Variants in ARHGAP28 observed in about 807,000 individuals in gnomAD.
ARHGAP28 encodes rho GTPase-activating protein 28.
In ARHGAP28, 56 loss-of-function variants were observed where a neutral mutation model predicts 90.7. The observed-to-expected ratio is 0.62, with a 90% CI of 0.50 to 0.77. The LOEUF (loss-of-function observed/expected upper bound fraction) is 0.77. Among genes scored for constraint, ARHGAP28 ranks in the 30% least tolerant of loss-of-function variants. The pLI, the probability that ARHGAP28 is intolerant of heterozygous loss-of-function variation, is 0.00. For synonymous variants in ARHGAP28, 308 were observed against 323.3 expected, an observed-to-expected ratio of 0.95 and a Z score of 0.51; for missense variants, 869 against 900.9, an observed-to-expected ratio of 0.96 and a Z score of 0.45.
chr18:6,779,608 A>G (rs73941110), intron 1 of ARHGAP28, among the ~76,000 whole-genome samples: 3,873 of 152,336 alleles, frequency 0.025, 131 homozygotes, highest in African/African-American at 0.081. Flanking sequence ...CAGCCATTGT[A>G]TGACCACTAT....
At chr18:6,867,894 A>G (rs1440331742) in intron 5 of ARHGAP28, among the ~76,000 whole-genome samples, 1 of 152,232 alleles carries the variant, frequency 6.6e-6, no homozygotes, top group African/African-American at 2.4e-5. Flanking sequence ...AGGTATAAGC[A>G]GCAAATATTT....
intron 3 of ARHGAP28, among the ~76,000 whole-genome samples, chr18:6,840,434 T>C (rs1280620761): frequency 6.6e-6 from 1 of 152,240 alleles, no homozygotes; most frequent in African/African-American, 2.4e-5. Context: ...TCTAGTAATG[T>C]AAAAACAGCA....
intron 10 of ARHGAP28, among the ~76,000 whole-genome samples, chr18:6,880,332 A>G (rs1355323346): frequency 1.3e-5 from 2 of 151,832 alleles, no homozygotes; most frequent in Admixed American, 6.6e-5. Flanking sequence ...CTATCCTACA[A>G]CTGTTTATCC....
intron 3 of ARHGAP28, among the ~76,000 whole-genome samples, chr18:6,847,157 G>A (rs1240782875): frequency 6.6e-6 from 1 of 152,042 alleles, no homozygotes; most frequent in African/African-American, 2.4e-5. Flanking sequence ...TTTGGCTGGG[G>A]GACCTTCTCT....
chr18:6,879,210 A>C (rs2057157851), intron 10 of ARHGAP28, among the ~76,000 whole-genome samples: 1 of 152,160 alleles, frequency 6.6e-6, no homozygotes. Flanking sequence ...AATGACAGAA[A>C]TTTGAGCCAA....
intron 1 of ARHGAP28, among the ~76,000 whole-genome samples, chr18:6,799,679 A>G (rs2056467940): frequency 6.6e-6 from 1 of 152,222 alleles, no homozygotes; most frequent in African/African-American, 2.4e-5. Context: ...AGCCAGCCAT[A>G]TGCAGAAAAC....
intron 1 of ARHGAP28, among the ~76,000 whole-genome samples, chr18:6,815,452 A>G (rs753972897): frequency 6.6e-6 from 1 of 152,212 alleles, no homozygotes; most frequent in Non-Finnish European, 1.5e-5. Flanking sequence ...TAATTCTCAT[A>G]CATTTTTAAA....
intron 2 of ARHGAP28, among the ~76,000 whole-genome samples, chr18:6,830,611 G>A (rs2056707886): frequency 6.6e-6 from 1 of 152,052 alleles, no homozygotes; most frequent in African/African-American, 2.4e-5. Context: ...GAGAAAAATG[G>A]TTTCCAACTT....
intron 1 of ARHGAP28, among the ~76,000 whole-genome samples, chr18:6,760,890 C>A (rs1456564743): frequency 1.3e-5 from 2 of 152,086 alleles, no homozygotes; most frequent in Non-Finnish European, 2.9e-5. Context: ...ACTGATTTTA[C>A]CTGGGTGTAA....
rs548061572 is a variant in ARHGAP28, at chr18:6,749,363, A to T, written c.122+19420A>T. On this transcript the variant is annotated intron_variant, in intron 1 of 17. Coordinates refer to ENST00000383472, the MANE Select transcript of ARHGAP28 (RefSeq NM_001366230.1). ...ATTGTTTGACAAAATGCTGGACTGG[A>T]GAGATATTTTCCTTTACCCAGGGTT... Among the ~76,000 whole-genome samples, 15 of 152,306 alleles carry T rather than the reference A, an allele frequency of 9.8e-5. No homozygotes were observed. In the South Asian group the frequency reaches 3.1e-3, roughly 32 times the overall value.
chr18:6,774,483 A>G (rs2056268171), intron 1 of ARHGAP28, among the ~76,000 whole-genome samples: 1 of 152,178 alleles, frequency 6.6e-6, no homozygotes, highest in African/African-American at 2.4e-5. Context: ...CCTCAAATAT[A>G]CAAGTTAAGT....
At chr18:6,879,081 C>A (rs2057156747) in intron 10 of ARHGAP28, among the ~76,000 whole-genome samples, 1 of 152,096 alleles carries the variant, frequency 6.6e-6, no homozygotes, top group South Asian at 2.1e-4. Context: ...GAGGAAGCTG[C>A]TGGTTTTAGC....
At chr18:6,840,554 A>G (rs1420262680) in intron 3 of ARHGAP28, among the ~76,000 whole-genome samples, 1 of 152,206 alleles carries the variant, frequency 6.6e-6, no homozygotes, top group Non-Finnish European at 1.5e-5. Flanking sequence ...TGAGACAGGC[A>G]AATGGAATAA....
intron 2 of ARHGAP28, among the ~76,000 whole-genome samples, chr18:6,829,880 T>C (rs1430356162): frequency 2.0e-5 from 3 of 152,244 alleles, no homozygotes; most frequent in African/African-American, 7.2e-5. Flanking sequence ...ACAGCAGGAC[T>C]AGCAGCCCAG....
intron 1 of ARHGAP28, among the ~76,000 whole-genome samples, chr18:6,744,405 A>G (rs2056004833): frequency 6.6e-6 from 1 of 152,172 alleles, no homozygotes; most frequent in Non-Finnish European, 1.5e-5. Flanking sequence ...GAGGGGCTCC[A>G]TTAGTTGACC....
chr18:6,910,454 T>A (rs2057389896), intron 17 of ARHGAP28, among the ~76,000 whole-genome samples: 1 of 152,128 alleles, frequency 6.6e-6, no homozygotes, highest in South Asian at 2.1e-4. Flanking sequence ...ACTAAACCTG[T>A]AAATCCAATC....
At chr18:6,734,649 T>C (rs2055910678) in intron 1 of ARHGAP28, among the ~76,000 whole-genome samples, 1 of 152,198 alleles carries the variant, frequency 6.6e-6, no homozygotes, top group African/African-American at 2.4e-5. Context: ...ATAGATTTAT[T>C]GGTACTTTCC....
At chr18:6,860,588 AG>A (rs2056990023) in intron 5 of ARHGAP28, among the ~76,000 whole-genome samples, 1 of 152,200 alleles carries the variant, frequency 6.6e-6, no homozygotes, top group African/African-American at 2.4e-5. Context: ...TTAGCACAAC[AG>A]CCACTCAGAT....
chr18:6,801,009 C>A (rs1314189966), intron 1 of ARHGAP28, among the ~76,000 whole-genome samples: 1 of 152,172 alleles, frequency 6.6e-6, no homozygotes, highest in African/African-American at 2.4e-5. Context: ...TTTTGAAGAG[C>A]AGAGGAATTG....
Sources: allele counts gnomAD v4.1 joint callset (sites outside exome capture counted in the v4.1 genomes callset), GRCh38; gene constraint gnomAD v4.1.1; transcripts MANE v1.5; gene names NCBI Gene and HGNC (gene_info 2026-07-23, HGNC 2026-07-21).